ROBO2: variants seen among roughly 807,000 people sequenced by gnomAD.
ROBO2 encodes the protein roundabout guidance receptor 2.
Under a neutral mutation model 160.8 loss-of-function variants are expected in ROBO2, and 53 were observed. The ratio of observed to expected loss-of-function variants is 0.33; its 90% CI spans 0.26 to 0.41. The LOEUF (loss-of-function observed/expected upper bound fraction) is 0.41, where lower values mean the gene tolerates loss of function less well. ROBO2 is among the 10% of genes least tolerant of loss of function. The probability of loss-of-function intolerance (pLI) is 1.00; values close to 1 mark genes in which losing one functional copy is unlikely to be tolerated. For synonymous variants in ROBO2, 664 were observed against 611.7 expected (o/e 1.09, Z -1.26); for missense variants, 1,577 against 1,722.4 (o/e 0.92, Z 1.49).
intron 2 of ROBO2, among the ~76,000 whole-genome samples, chr3:76,955,524 TG>T (rs1425287534): frequency 6.6e-6 from 1 of 152,170 alleles, no homozygotes; most frequent in African/African-American, 2.4e-5. Context: ...TTATTTTCTG[TG>T]TTCTTTATTA....
chr3:77,637,417 C>T (rs1370100541), intron 24 of ROBO2, among the ~76,000 whole-genome samples: 1 of 152,088 alleles, frequency 6.6e-6, no homozygotes, highest in Non-Finnish European at 1.5e-5. Context: ...ACATACTTTC[C>T]GGTTTACTTA....
At chr3:77,080,452 G>T (rs1482144633) in intron 1 of ROBO2, among the ~76,000 whole-genome samples, 1 of 152,148 alleles carries the variant, frequency 6.6e-6, no homozygotes, top group East Asian at 1.9e-4. Context: ...CGTACCAAGG[G>T]CCAGCAGATT....
At chr3:76,536,200 A>G (rs1443739223) in intron 2 of ROBO2, among the ~76,000 whole-genome samples, 2 of 152,148 alleles carry the variant, frequency 1.3e-5, no homozygotes, top group Non-Finnish European at 2.9e-5. Context: ...GGCGTGGCTG[A>G]GGTTTGTCTT....
chr3:77,257,102 T>G (rs1044332246), intron 2 of ROBO2, among the ~76,000 whole-genome samples: 6 of 152,144 alleles, frequency 3.9e-5, no homozygotes, highest in Non-Finnish European at 2.9e-5. Flanking sequence ...CTGTTGTCAA[T>G]AATTAAGAGC....
intron 2 of ROBO2, among the ~76,000 whole-genome samples, chr3:76,527,004 G>A (rs1233245636): frequency 6.6e-6 from 1 of 151,950 alleles, no homozygotes; most frequent in Non-Finnish European, 1.5e-5. Context: ...GGAGAAAAAT[G>A]CCTGGAAAAG....
At chr3:75,921,053 G>T (rs1947022300) in intron 1 of ROBO2, among the ~76,000 whole-genome samples, 1 of 152,112 alleles carries the variant, frequency 6.6e-6, no homozygotes, top group African/African-American at 2.4e-5. Flanking sequence ...ATTATTATGT[G>T]TGAATTTGAT....
intron 2 of ROBO2, among the ~76,000 whole-genome samples, chr3:76,560,306 T>C (rs2084086155): frequency 6.6e-6 from 1 of 152,118 alleles, no homozygotes; most frequent in African/African-American, 2.4e-5. Flanking sequence ...AAATATATCT[T>C]CCACTAATAT....
intron 2 of ROBO2, among the ~76,000 whole-genome samples, chr3:76,269,533 A>C (rs541209832): frequency 6.6e-6 from 1 of 151,818 alleles, no homozygotes; most frequent in Non-Finnish European, 1.5e-5. Context: ...TTTTTGTCTC[A>C]GTTACACATA....
chr3:77,034,390 A>G (rs1004880481), intron 2 of ROBO2, among the ~76,000 whole-genome samples: 9 of 151,552 alleles, frequency 5.9e-5, no homozygotes, highest in Middle Eastern at 6.8e-3. Flanking sequence ...AAAAAAAAAA[A>G]AAAAAGAAAA....
chr3:76,004,221 A>G (rs1653625056), intron 2 of ROBO2, among the ~76,000 whole-genome samples: 1 of 152,246 alleles, frequency 6.6e-6, no homozygotes, highest in African/African-American at 2.4e-5. Context: ...CAATATAGAC[A>G]TATGTAACAG....
rs1163148844 is a variant in ROBO2, at chr3:77,214,966, C to T, written c.388+116626C>T. On this transcript the variant is annotated intron_variant, in intron 2 of 25. Transcript: ENST00000461745. The stretch of plus-strand genomic sequence containing the variant: ...AGAGATCAGCTGTTAGTCTGATGGG[C>T]TTCCCTTTGTGGGTAACCCGACCTT... Among the ~76,000 whole-genome samples the T allele has an allele frequency of 2.6e-5, 4 of 152,184 alleles. No homozygotes were observed. In the South Asian group the frequency reaches 6.2e-4, roughly 24 times the overall value.
intron 2 of ROBO2, among the ~76,000 whole-genome samples, chr3:75,970,443 A>C (rs1225216732): frequency 6.6e-6 from 1 of 151,516 alleles, no homozygotes; most frequent in Non-Finnish European, 1.5e-5. Flanking sequence ...GTGCTTTCTT[A>C]CATTTTCAGT....
chr3:76,288,060 T>C (rs1708611560), intron 2 of ROBO2, among the ~76,000 whole-genome samples: 2 of 152,252 alleles, frequency 1.3e-5, no homozygotes, highest in African/African-American at 4.8e-5. Context: ...AGATTATTTT[T>C]TTCTAAGTAT....
chr3:76,902,199 C>G (rs2075286906), intron 2 of ROBO2, among the ~76,000 whole-genome samples: 2 of 152,062 alleles, frequency 1.3e-5, no homozygotes, highest in South Asian at 4.1e-4. Context: ...TTTATACCTA[C>G]TTTTTACTTC....
intron 13 of ROBO2, among the ~76,000 whole-genome samples, chr3:77,571,614 C>A (rs578013428): frequency 2.0e-5 from 3 of 151,944 alleles, no homozygotes; most frequent in Non-Finnish European, 2.9e-5. Context: ...TAAGACAACT[C>A]TTTTTTTATT....
intron 2 of ROBO2, among the ~76,000 whole-genome samples, chr3:76,364,148 G>A (rs1041978189): frequency 6.6e-6 from 1 of 151,884 alleles, no homozygotes; most frequent in Admixed American, 6.6e-5. Flanking sequence ...TCTCTCCTAG[G>A]GGCTTTGCAT....
chr3:76,541,576 A>C (rs2082819450), intron 2 of ROBO2, among the ~76,000 whole-genome samples: 1 of 152,216 alleles, frequency 6.6e-6, no homozygotes, highest in South Asian at 2.1e-4. Context: ...TTGGCATAGG[A>C]GAGCCCACAG....
intron 2 of ROBO2, among the ~76,000 whole-genome samples, chr3:76,893,822 C>T (rs184873798): frequency 6.6e-6 from 1 of 152,050 alleles, no homozygotes; most frequent in Admixed American, 6.6e-5. Flanking sequence ...ATACCCTCCT[C>T]CCACCGACCC....
chr3:76,660,257 G>A (rs185525959), intron 2 of ROBO2, among the ~76,000 whole-genome samples: 57 of 152,292 alleles, frequency 3.7e-4, no homozygotes, highest in African/African-American at 1.3e-3. Flanking sequence ...AATAATGTTT[G>A]CAAGAGATTA....
Sources: allele counts gnomAD v4.1 joint callset (sites outside exome capture counted in the v4.1 genomes callset), GRCh38; gene constraint gnomAD v4.1.1; transcripts MANE v1.5; gene names NCBI Gene and HGNC (gene_info 2026-07-23, HGNC 2026-07-21).